Variants in ADCY9 observed in about 807,000 individuals in gnomAD.
ADCY9 encodes the protein adenylate cyclase 9.
A neutral mutation model predicts 101.5 loss-of-function variants in ADCY9; 50 were observed. The observed-to-expected ratio is 0.49, with a 90% CI of 0.39 to 0.62. The LOEUF is 0.62. ADCY9 is among the 20% of genes least tolerant of loss of function. ADCY9 has a pLI of 0.00. For missense variants in ADCY9, 1,662 were observed against 1,800.4 expected, an observed-to-expected ratio of 0.92 and a Z score of 1.39; for synonymous variants, 905 against 769.3, an observed-to-expected ratio of 1.18 and a Z score of -2.92.
intron 10 of ADCY9, among the ~76,000 whole-genome samples, chr16:3,974,197 A>G (rs1025317235): frequency 2.6e-5 from 4 of 152,104 alleles, no homozygotes; most frequent in African/African-American, 9.7e-5. Context: ...GCCCGCCACC[A>G]TGCCCAGCTA....
intron 2 of ADCY9, among the ~76,000 whole-genome samples, chr16:4,100,556 C>A (rs953831490): frequency 6.6e-6 from 1 of 151,842 alleles, no homozygotes; most frequent in African/African-American, 2.4e-5. Flanking sequence ...GTCTCGAACT[C>A]CTGAGCTCAA....
chr16:3,989,554 T>C (rs1298395982), intron 5 of ADCY9, among the ~76,000 whole-genome samples: 2 of 152,172 alleles, frequency 1.3e-5, no homozygotes. Context: ...AATTTTTGTA[T>C]TTTTTAGCAG....
rs554652443 is a variant in ADCY9, at chr16:4,000,327, A to T, written c.1885-6817T>A. Among the ~76,000 whole-genome samples, 3 of 152,170 alleles carry T rather than the reference A, an allele frequency of 2.0e-5. No homozygotes were observed. In the South Asian group the frequency reaches 6.2e-4, roughly 32 times the overall value. On this transcript the variant is annotated intron_variant, in intron 3 of 10. Transcript: ENST00000294016. Reference sequence around the variant, plus strand: ...ACACGGTACGGTCGGAACCGCGTAAAGAGGCGGTGAGCCCAGGCAGCAGAG... The same window carrying T: ...ACACGGTACGGTCGGAACCGCGTAATGAGGCGGTGAGCCCAGGCAGCAGAG...
At chr16:4,052,716 G>C (rs1471924953) in intron 2 of ADCY9, among the ~76,000 whole-genome samples, 1 of 152,116 alleles carries the variant, frequency 6.6e-6, no homozygotes, top group Non-Finnish European at 1.5e-5. Flanking sequence ...AAGCCACCTG[G>C]TTTGAGGTAC....
intron 2 of ADCY9, among the ~76,000 whole-genome samples, chr16:4,029,994 G>A (rs2056544090): frequency 6.6e-6 from 1 of 152,276 alleles, no homozygotes; most frequent in East Asian, 1.9e-4. Context: ...ACAAGCGCTG[G>A]TGAGGATGCA....
chr16:4,108,359 C>CTTTTTTTTTTT (rs1491172269), intron 2 of ADCY9, among the ~76,000 whole-genome samples: 1 of 53,492 alleles, frequency 1.9e-5, no homozygotes, highest in Non-Finnish European at 3.9e-5. Context: ...ACCGTTTCTT[C>CTTTTTTTTTTT]ATTTTTTTTT....
At chr16:3,977,953 G>A (rs1176172125) in intron 8 of ADCY9, among the ~76,000 whole-genome samples, 1 of 152,168 alleles carries the variant, frequency 6.6e-6, no homozygotes, top group Non-Finnish European at 1.5e-5. Context: ...CTGACCTCAG[G>A]TGATCCACCT....
intron 2 of ADCY9, among the ~76,000 whole-genome samples, chr16:4,082,669 T>C (rs1230269919): frequency 7.1e-6 from 1 of 141,354 alleles, no homozygotes; most frequent in East Asian, 2.1e-4. Flanking sequence ...TGCACACCCA[T>C]GCACACCCAT....
intron 2 of ADCY9, among the ~76,000 whole-genome samples, chr16:4,017,539 G>T (rs1158187467): frequency 6.6e-6 from 1 of 151,434 alleles, no homozygotes; most frequent in African/African-American, 2.4e-5. Context: ...AGCTACTTGG[G>T]AGGCTGAGGC....
At chr16:4,016,662 A>C (rs1038022514) in intron 2 of ADCY9, among the ~76,000 whole-genome samples, 6 of 152,242 alleles carry the variant, frequency 3.9e-5, no homozygotes, top group Non-Finnish European at 7.3e-5. Context: ...CTTGAAAACA[A>C]AAAAAGGGAA....
rs192303854 is a variant in ADCY9, at chr16:4,101,223, T to A, written c.1693+12527A>T. Among the ~76,000 whole-genome samples, 769 of 152,068 alleles carry A rather than the reference T, an allele frequency of 5.1e-3. 4 individuals carry two copies. The highest frequency in any genetic ancestry group is 9.3e-3 in the Non-Finnish European group (633 of 68,000). ...AGTCTTCTCATCTATAAAATAGAGA[T>A]CATCTCAACCCTATCTGTAATACAG... On this transcript the variant is annotated intron_variant, in intron 2 of 10. Coordinates refer to ENST00000294016, the MANE Select transcript of ADCY9 (RefSeq NM_001116.4).
At chr16:3,980,745 T>C (rs2056134537) in intron 7 of ADCY9, among the ~76,000 whole-genome samples, 2 of 152,182 alleles carry the variant, frequency 1.3e-5, no homozygotes, top group Admixed American at 6.5e-5. Flanking sequence ...TTTGGAATAC[T>C]TCCAAGAATA....
intron 2 of ADCY9, among the ~76,000 whole-genome samples, chr16:4,107,164 C>T (rs1176791449): frequency 6.6e-6 from 1 of 152,226 alleles, no homozygotes; most frequent in East Asian, 1.9e-4. Flanking sequence ...TCTCCCACCC[C>T]AGCTGTGGAG....
intron 2 of ADCY9, among the ~76,000 whole-genome samples, chr16:4,072,107 T>C (rs1260146232): frequency 1.3e-5 from 2 of 152,212 alleles, no homozygotes; most frequent in Non-Finnish European, 2.9e-5. Flanking sequence ...TGAATCTCCC[T>C]TGTTTGGAAT....
chr16:4,098,573 A>G (rs138576864), intron 2 of ADCY9, among the ~76,000 whole-genome samples: 1 of 152,206 alleles, frequency 6.6e-6, no homozygotes, highest in Non-Finnish European at 1.5e-5. Flanking sequence ...CATTCAGCCA[A>G]TATTATCAGG....
intron 2 of ADCY9, among the ~76,000 whole-genome samples, chr16:4,029,199 A>T (rs537830522): frequency 2.6e-5 from 4 of 152,328 alleles, no homozygotes; most frequent in African/African-American, 9.6e-5. Flanking sequence ...ACAATAGAGT[A>T]TCTAGGAAAT....
chr16:3,961,457 A>G (rs1302505344), downstream of ADCY9, among the ~76,000 whole-genome samples: 4 of 151,768 alleles, frequency 2.6e-5, no homozygotes, highest in Non-Finnish European at 5.9e-5. Flanking sequence ...CCAAAAAAAA[A>G]AAAACCGAAC....
rs189914046 is a variant in ADCY9, at chr16:4,041,098, C to T, written c.1694-33540G>A. Among the ~76,000 whole-genome samples, 4 of 152,244 alleles carry T rather than the reference C, an allele frequency of 2.6e-5. No homozygotes were observed. The East Asian group carries it at 7.7e-4, about 29-fold the overall frequency. ...AAAATCATATAGGGGACATTAAAGA[C>T]CAGCAGGGTCATAAGACTTCCCAAG... On this transcript the variant is annotated intron_variant, in intron 2 of 10. Coordinates refer to ENST00000294016, the MANE Select transcript of ADCY9 (RefSeq NM_001116.4).
chr16:4,019,923 C>T (rs2056463268), intron 2 of ADCY9, among the ~76,000 whole-genome samples: 1 of 152,002 alleles, frequency 6.6e-6, no homozygotes, highest in East Asian at 1.9e-4. Flanking sequence ...ACTAAAAATA[C>T]AAAAATTAAC....
Sources: allele counts gnomAD v4.1 joint callset (sites outside exome capture counted in the v4.1 genomes callset), GRCh38; gene constraint gnomAD v4.1.1; transcripts MANE v1.5; gene names NCBI Gene and HGNC (gene_info 2026-07-23, HGNC 2026-07-21).